Variants in BTRC observed in about 807,000 individuals in gnomAD.
BTRC encodes beta-transducin repeat containing E3 ubiquitin protein ligase.
A neutral mutation model predicts 85.5 loss-of-function variants in BTRC; 42 were observed. The ratio of observed to expected loss-of-function variants is 0.49; its 90% CI spans 0.38 to 0.64. The LOEUF is 0.64. Among genes scored for constraint, BTRC ranks in the 30% least tolerant of loss-of-function variants. BTRC has a pLI of 0.00. For synonymous variants in BTRC, 255 were observed against 263.3 expected, an observed-to-expected ratio of 0.97 and a Z score of 0.30; for missense variants, 594 against 743.5, an observed-to-expected ratio of 0.80 and a Z score of 2.34.
At chr10:101,532,778 GTGTGT>G (rs2062311024) in intron 8 of BTRC, among the ~76,000 whole-genome samples, 169 bp from the exon 9 acceptor site, 1 of 72,318 alleles carries the variant, frequency 1.4e-5, no homozygotes, top group Non-Finnish European at 2.4e-5. Context: ...GTGTGTGTGT[GTGTGT>G]GTGTGTGCGC....
At chr10:101,440,480 G>C (rs1944651330) in intron 2 of BTRC, among the ~76,000 whole-genome samples, 1 of 151,980 alleles carries the variant, frequency 6.6e-6, no homozygotes, top group African/African-American at 2.4e-5. Context: ...CAATACTTTG[G>C]GAAGCTGAGG....
intron 1 of BTRC, among the ~76,000 whole-genome samples, chr10:101,362,691 G>A (rs900901820): frequency 4.6e-5 from 7 of 152,110 alleles, no homozygotes; most frequent in African/African-American, 1.4e-4. Context: ...CACCACGCCC[G>A]GCCAGAAGAA....
chr10:101,544,407 GTT>G (rs35751151), intron 13 of BTRC, among the ~76,000 whole-genome samples: 291 of 135,322 alleles, frequency 2.2e-3, no homozygotes, highest in African/African-American at 1.6e-3. Context: ...ACTTGGGAAA[GTT>G]TTTTTTTTTT....
At chr10:101,499,093 C>T (rs1194760626) in intron 4 of BTRC, among the ~76,000 whole-genome samples, 1 of 152,046 alleles carries the variant, frequency 6.6e-6, no homozygotes, top group African/African-American at 2.4e-5. Context: ...TCTGTTATTT[C>T]ATATGACAAT....
At chr10:101,366,135 T>C (rs1039141204) in intron 1 of BTRC, among the ~76,000 whole-genome samples, 8 of 152,158 alleles carry the variant, frequency 5.3e-5, no homozygotes, top group Non-Finnish European at 1.2e-4. Context: ...AATTTAGGAC[T>C]GTATGATCCT....
Position 101,494,141 on chromosome 10 carries a change from T to C in BTRC, c.324+14684T>C, listed in dbSNP as rs548224488. On this transcript the variant is annotated intron_variant, in intron 4 of 14. Transcript: ENST00000370187. Reference sequence around the variant, plus strand: ...TTCAGACAACATTTCACCCCTAGTTTGAGCTGCTCTTAGAATGAATGTGGC... The same window carrying C: ...TTCAGACAACATTTCACCCCTAGTTCGAGCTGCTCTTAGAATGAATGTGGC... Among the ~76,000 whole-genome samples, 23 of 152,350 alleles carry C rather than the reference T, an allele frequency of 1.5e-4. No individual in the cohort carries two copies. In the South Asian group the frequency reaches 4.3e-3, roughly 29 times the overall value.
intron 1 of BTRC, among the ~76,000 whole-genome samples, chr10:101,402,489 AG>A (rs1355835418): frequency 1.3e-5 from 2 of 152,216 alleles, no homozygotes; most frequent in African/African-American, 4.8e-5. Flanking sequence ...AATAAACATT[AG>A]GAGCTGCTCC....
chr10:101,541,532 T>C (rs1382168228), intron 13 of BTRC, among the ~76,000 whole-genome samples: 1 of 152,102 alleles, frequency 6.6e-6, no homozygotes, highest in East Asian at 1.9e-4. Context: ...AGTGCTGGGA[T>C]TACAGGCGTG....
rs1474390969 is a variant in BTRC, at chr10:101,420,078, T to C, written c.49-10267T>C. On this transcript the variant is annotated intron_variant, in intron 1 of 14. Coordinates refer to ENST00000370187, the MANE Select transcript of BTRC (RefSeq NM_033637.4). ...TGTGTACATATATATATATATATCATGAATATATTATTTACCTAGGAATTT... is the reference window on the plus strand; with the variant it reads ...TGTGTACATATATATATATATATCACGAATATATTATTTACCTAGGAATTT... 2.0e-5 allele frequency among the ~76,000 whole-genome samples: 3 copies of C among 150,046 alleles called. No homozygotes were observed. In the East Asian group the frequency reaches 5.9e-4, roughly 29 times the overall value.
chr10:101,354,727 T>A (rs1274071590), intron 1 of BTRC: 1 of 159,066 alleles, frequency 6.3e-6, no homozygotes, highest in African/African-American at 2.4e-5. Context: ...GATTTAAGGG[T>A]GGAGGAGGGA....
At chr10:101,376,239 C>T (rs896900073) in intron 1 of BTRC, among the ~76,000 whole-genome samples, 5 of 152,164 alleles carry the variant, frequency 3.3e-5, no homozygotes, top group South Asian at 2.1e-4. Flanking sequence ...GCCAGAGAAT[C>T]GCTTGAAACC....
At chr10:101,400,998 A>G (rs2134000414) in intron 1 of BTRC, among the ~76,000 whole-genome samples, 1 of 152,316 alleles carries the variant, frequency 6.6e-6, no homozygotes, top group South Asian at 2.1e-4. Context: ...TCACATCATC[A>G]GAAATTGTGT....
intron 4 of BTRC, among the ~76,000 whole-genome samples, chr10:101,500,050 G>GT (rs1474044091): frequency 2.0e-5 from 3 of 151,060 alleles, no homozygotes; most frequent in Non-Finnish European, 4.4e-5. Flanking sequence ...ATTCCAATGG[G>GT]TTTTTTATAT....
intron 2 of BTRC, among the ~76,000 whole-genome samples, chr10:101,461,338 T>C (rs2134168945): frequency 6.6e-6 from 1 of 152,156 alleles, no homozygotes; most frequent in East Asian, 1.9e-4. Flanking sequence ...ACTAGCAGAT[T>C]TTTAGTACTT....
At chr10:101,443,712 C>G (rs1431955633) in intron 2 of BTRC, among the ~76,000 whole-genome samples, 1 of 152,058 alleles carries the variant, frequency 6.6e-6, no homozygotes. Context: ...ACTTAGATTT[C>G]TTGTATGAAT....
chr10:101,439,469 T>C (rs1011920566), intron 2 of BTRC, among the ~76,000 whole-genome samples: 5 of 152,230 alleles, frequency 3.3e-5, no homozygotes, highest in African/African-American at 1.2e-4. Context: ...TGACATACTA[T>C]GAAGAAAAGA....
At chr10:101,357,657 A>C (rs926446676) in intron 1 of BTRC, among the ~76,000 whole-genome samples, 1 of 152,184 alleles carries the variant, frequency 6.6e-6, no homozygotes, top group Non-Finnish European at 1.5e-5. Context: ...AAATTAGTTT[A>C]AAATGCCAGA....
At chr10:101,380,564 C>T (rs1174557779) in intron 1 of BTRC, among the ~76,000 whole-genome samples, 2 of 152,092 alleles carry the variant, frequency 1.3e-5, no homozygotes, top group Non-Finnish European at 2.9e-5. Flanking sequence ...GACAGGGCAG[C>T]GGCTATTAAG....
At position 101,547,328 on chromosome 10, in the gene BTRC, CTTTTTT is replaced by C. The variant is rs71016332; in HGVS notation, c.1657-3350_1657-3345del. 3.8e-5 allele frequency among the ~76,000 whole-genome samples: 3 copies of C among 79,636 alleles called. No individual in the cohort carries two copies. In the Admixed American group the frequency reaches 4.7e-4, roughly 12 times the overall value. 52.2% of individuals were successfully genotyped at this position (79,636 alleles called of 152,430 possible). ...ATAAATAAGTAAATATATGGTTTTT[CTTTTTT>C]TTTTTTTTTTTTTTTTTTTTGAGAC... On this transcript the variant is annotated intron_variant, in intron 13 of 14. Transcript: ENST00000370187.
Sources: allele counts gnomAD v4.1 joint callset (sites outside exome capture counted in the v4.1 genomes callset), GRCh38; gene constraint gnomAD v4.1.1; transcripts MANE v1.5; gene names NCBI Gene and HGNC (gene_info 2026-07-23, HGNC 2026-07-21).